HTR7: variants seen among roughly 807,000 people sequenced by gnomAD.
HTR7 encodes the protein 5-hydroxytryptamine receptor 7.
In HTR7, 16 loss-of-function variants were observed where a neutral mutation model predicts 34.0. That is an observed-to-expected ratio of 0.47 (90% CI 0.32 to 0.71). The LOEUF is 0.71. Ranked by LOEUF, HTR7 falls within the 30% of genes least tolerant of loss-of-function variation. The pLI is 0.04. For synonymous variants in HTR7, 265 were observed against 260.2 expected (o/e 1.02, Z -0.18); for missense variants, 504 against 625.5 (o/e 0.81, Z 2.07).
At chr10:90,837,769 C>T (rs945946941) in intron 1 of HTR7, among the ~76,000 whole-genome samples, 2 of 152,176 alleles carry the variant, frequency 1.3e-5, no homozygotes, top group African/African-American at 4.8e-5. Flanking sequence ...ATCAGCAAAA[C>T]TTCTTGGAAG....
chr10:90,761,456 C>A, intron 1 of HTR7, among the ~76,000 whole-genome samples: 1 of 152,090 alleles, frequency 6.6e-6, no homozygotes, highest in East Asian at 1.9e-4. Flanking sequence ...AGGATTTTAA[C>A]TCAAGTGTTT....
At chr10:90,800,434 G>A (rs1035245899) in intron 1 of HTR7, among the ~76,000 whole-genome samples, 4 of 151,962 alleles carry the variant, frequency 2.6e-5, no homozygotes, top group African/African-American at 9.7e-5. Context: ...GATTAGCCAC[G>A]CCTTACTATA....
rs1359133010 is a variant in HTR7, at chr10:90,742,113, C to G, written c.*369G>C. 5.9e-6 allele frequency: 1 copy of G among 170,682 alleles called. No homozygotes were observed. The highest frequency in any genetic ancestry group is 1.2e-5 in the Non-Finnish European group (1 of 80,294). The allele number at this position is 170,682 out of a possible 1,614,324, so 10.6% of individuals were successfully genotyped here. A position where few individuals can be genotyped will look rare whatever the true frequency, so the allele number is the denominator to read the frequency against. ...GTCTCATGAATGATTCCTGCATATT[C>G]ACCACAACGCCTAGACTCAGAAGCA... On this transcript the variant is annotated 3_prime_UTR_variant, in exon 4 of 4. Coordinates refer to ENST00000336152, the MANE Select transcript of HTR7 (RefSeq NM_019859.4).
intron 1 of HTR7, among the ~76,000 whole-genome samples, chr10:90,841,881 T>C (rs552353140): frequency 5.9e-5 from 9 of 152,078 alleles, no homozygotes; most frequent in African/African-American, 2.2e-4. Flanking sequence ...ACGACTGTAA[T>C]CGCAGCTACT....
At chr10:90,817,574 C>T (rs964442198) in intron 1 of HTR7, among the ~76,000 whole-genome samples, 2 of 152,142 alleles carry the variant, frequency 1.3e-5, no homozygotes, top group African/African-American at 4.8e-5. Flanking sequence ...CACTGCTGCC[C>T]CATCCCCCAC....
At chr10:90,797,667 G>T (rs2119907267) in intron 1 of HTR7, among the ~76,000 whole-genome samples, 1 of 152,264 alleles carries the variant, frequency 6.6e-6, no homozygotes, top group South Asian at 2.1e-4. Context: ...GTGATCTTGA[G>T]TAAACTGTTC....
At chr10:90,743,070 C>T (rs1025284513) in intron 3 of HTR7, among the ~76,000 whole-genome samples, 8 of 150,706 alleles carry the variant, frequency 5.3e-5, no homozygotes, top group Non-Finnish European at 1.2e-4. Context: ...AAAGCCACTC[C>T]CCTGACTCTG....
At chr10:90,790,249 T>G (rs890456310) in intron 1 of HTR7, among the ~76,000 whole-genome samples, 3 of 152,192 alleles carry the variant, frequency 2.0e-5, no homozygotes, top group Non-Finnish European at 1.5e-5. Context: ...TTTATCAAAT[T>G]TTAATACAAG....
chr10:90,749,755 G>T lies in HTR7; in HGVS notation c.540-161C>A, dbSNP rs1473981789. Reference sequence around the variant, plus strand: ...GAAAGGTAAACTAAGGCTCTGAGATGTTACCTATTTTATTCCGGGTCACAC... The same window carrying T: ...GAAAGGTAAACTAAGGCTCTGAGATTTTACCTATTTTATTCCGGGTCACAC... On this transcript the variant is annotated intron_variant, in intron 1 of 3. Coordinates refer to ENST00000336152, the MANE Select transcript of HTR7 (RefSeq NM_019859.4). This position sits in a 1 kb window ranked among gnomAD's most constrained non-coding sequence, Gnocchi z 4.2. Among the ~76,000 whole-genome samples the T allele has an allele frequency of 6.6e-6, 1 of 152,214 alleles. No homozygotes were observed. Among genetic ancestry groups the T allele is most frequent in the Non-Finnish European group, 1.5e-5 (1 of 68,034 alleles).
chr10:90,807,660 C>T (rs900018609), intron 1 of HTR7, among the ~76,000 whole-genome samples: 6 of 152,170 alleles, frequency 3.9e-5, no homozygotes, highest in Non-Finnish European at 7.3e-5. Flanking sequence ...GGACTCAGCC[C>T]GCAGGCACCC....
At position 90,759,187 on chromosome 10, in the gene HTR7, C is replaced by CA. The variant is rs35551588; in HGVS notation, c.540-9594dup. 2.4e-3 allele frequency among the ~76,000 whole-genome samples: 284 copies of CA among 119,546 alleles called. 2 individuals carry two copies. The highest frequency in any genetic ancestry group is 4.6e-3 in the South Asian group (17 of 3,736). The allele number at this position is 119,546 out of a possible 152,430, so 78.4% of individuals were successfully genotyped here. A position where few individuals can be genotyped will look rare whatever the true frequency, so the allele number is the denominator to read the frequency against. ...GGGCAACAAGAGTGAAACTCTGTCT[C>CA]AAAAAAAAAAAAAAAAAAGTGAAAT... On this transcript the variant is annotated intron_variant, in intron 1 of 3. Transcript: ENST00000336152.
At chr10:90,801,187 G>A (rs1845620115) in intron 1 of HTR7, among the ~76,000 whole-genome samples, 1 of 152,114 alleles carries the variant, frequency 6.6e-6, no homozygotes, top group Non-Finnish European at 1.5e-5. Context: ...GCTGGTTTGG[G>A]GTTTTATTTT....
intron 1 of HTR7, among the ~76,000 whole-genome samples, chr10:90,845,197 C>G (rs959978510): frequency 2.6e-5 from 4 of 152,070 alleles, no homozygotes; most frequent in Non-Finnish European, 1.5e-5. Context: ...GGGATGGGAA[C>G]CTTGGACGAG....
At chr10:90,742,719 C>T (rs969595085) in intron 3 of HTR7, among the ~76,000 whole-genome samples, 191 bp from the exon 4 acceptor site, 5 of 152,154 alleles carry the variant, frequency 3.3e-5, no homozygotes, top group African/African-American at 1.2e-4. Context: ...TTCATAACTT[C>T]CACAAGTTGC....
At chr10:90,748,695 G>A in intron 2 of HTR7, 144 bp downstream of exon 2, 1 of 922,576 alleles carries the variant, frequency 1.1e-6, no homozygotes, top group Non-Finnish European at 1.6e-6. Context: ...GAAGACTGGA[G>A]TCTATACTGT....
chr10:90,838,784 A>C (rs1324583624), intron 1 of HTR7, among the ~76,000 whole-genome samples: 1 of 151,982 alleles, frequency 6.6e-6, no homozygotes, highest in Non-Finnish European at 1.5e-5. Flanking sequence ...TGGCTCCTTC[A>C]TGTCATTTAC....
chr10:90,760,630 C>T (rs1038131039), intron 1 of HTR7, among the ~76,000 whole-genome samples: 10 of 152,084 alleles, frequency 6.6e-5, no homozygotes, highest in South Asian at 2.1e-4. Context: ...CTGTAATCCC[C>T]GCAATTTGGG....
At chr10:90,833,309 C>G (rs565584041) in intron 1 of HTR7, among the ~76,000 whole-genome samples, 8 of 152,310 alleles carry the variant, frequency 5.3e-5, no homozygotes, top group African/African-American at 1.9e-4. Flanking sequence ...AAAGAGGATA[C>G]ATGATTTACC....
Position 90,742,198 on chromosome 10 carries a change from C to G in HTR7, c.*284G>C. Reference sequence around the variant, plus strand: ...ATGGATTTGGACATATGCAAAGCACCAGAAACTGCTTCCTTTCTGGAACTC... The same window carrying G: ...ATGGATTTGGACATATGCAAAGCACGAGAAACTGCTTCCTTTCTGGAACTC... On this transcript the variant is annotated 3_prime_UTR_variant, in exon 4 of 4. Coordinates refer to ENST00000336152, the MANE Select transcript of HTR7 (RefSeq NM_019859.4). The G allele has an allele frequency of 3.8e-6, 1 of 262,724 alleles. No individual in the cohort carries two copies. Among genetic ancestry groups the G allele is most frequent in the Non-Finnish European group, 7.2e-6 (1 of 138,462 alleles). 16.3% of individuals were successfully genotyped at this position (262,724 alleles called of 1,614,324 possible).
Sources: gnomAD v4.1 joint callset for allele counts (sites outside exome capture counted in the v4.1 genomes callset) on GRCh38, gnomAD v4.1.1 for gene constraint, Gnocchi (gnomAD v3.1) non-coding constraint, MANE v1.5 for transcripts, NCBI Gene and HGNC (gene_info 2026-07-23, HGNC 2026-07-21) for gene names.